EPB41L3: variants seen among roughly 807,000 people sequenced by gnomAD.
The protein encoded by EPB41L3 is band 4.1-like protein 3.
A neutral mutation model predicts 127.1 loss-of-function variants in EPB41L3; 57 were observed. The ratio of observed to expected loss-of-function variants is 0.45; its 90% confidence interval spans 0.36 to 0.56. EPB41L3 has a LOEUF of 0.56. Ranked by LOEUF, EPB41L3 falls within the 20% of genes least tolerant of loss-of-function variation. EPB41L3 has a pLI of 0.00. For missense variants in EPB41L3, 1,273 were observed against 1,372.2 expected (o/e 0.93, Z 1.14); for synonymous variants, 572 against 549.5 (o/e 1.04, Z -0.57).
chr18:5,433,548 G>C lies in EPB41L3; in HGVS notation c.833C>G (p.Thr278Arg), dbSNP rs376210046. The C allele has an allele frequency of 6.2e-7, 1 of 1,611,896 alleles. No individual in the cohort carries two copies. The highest frequency in any genetic ancestry group is 8.5e-7 in the Non-Finnish European group (1 of 1,179,300). The change falls in exon 8 of 23, where the codon ACG becomes AGG. Residue 278 changes from threonine (T) to arginine (R), a missense_variant. Thr to Arg is a moderately conservative substitution (Grantham distance 71). Coordinates refer to ENST00000341928, the MANE Select transcript of EPB41L3 (RefSeq NM_012307.5). ...IELHKSHRGM[T>R]PAEAEMHFLE... ...GAAATGCATCTCTGCTTCTGCTGGC[G>C]TCATTCCTCTGATGAGAAGAAAAAT...
intron 5 of EPB41L3, among the ~76,000 whole-genome samples, chr18:5,441,819 C>A (rs2080828898): frequency 6.6e-6 from 1 of 152,192 alleles, no homozygotes; most frequent in Non-Finnish European, 1.5e-5. Flanking sequence ...ATCTGCAAGA[C>A]TGTCAGTTTT....
intron 3 of EPB41L3, among the ~76,000 whole-genome samples, chr18:5,452,326 C>T (rs991241282): frequency 4.0e-5 from 6 of 151,550 alleles, no homozygotes; most frequent in Non-Finnish European, 8.8e-5. Flanking sequence ...GGCCAATATT[C>T]ATAGTTGCAT....
intron 1 of EPB41L3, among the ~76,000 whole-genome samples, chr18:5,515,200 C>T (rs2092687311): frequency 6.6e-6 from 1 of 152,196 alleles, no homozygotes; most frequent in South Asian, 2.1e-4. Flanking sequence ...TAAGGGGCTT[C>T]CCAGTCTATA....
chr18:5,399,235 G>C (rs1447620264), intron 16 of EPB41L3: 1 of 398,862 alleles, frequency 2.5e-6, no homozygotes, highest in African/African-American at 2.1e-5. Context: ...TCGAAGCTTT[G>C]CATTTTAATA....
intron 3 of EPB41L3, among the ~76,000 whole-genome samples, chr18:5,578,113 G>A (rs2094355006): frequency 6.6e-6 from 1 of 152,068 alleles, no homozygotes; most frequent in Non-Finnish European, 1.5e-5. Flanking sequence ...TGGGGGGGTG[G>A]CGGGGTGGGA....
intron 1 of EPB41L3, chr18:5,540,262 C>G: frequency 1.2e-6 from 1 of 803,440 alleles, no homozygotes; most frequent in South Asian, 5.7e-5. Context: ...CAAAAAACGT[C>G]TCCTTCCTTA....
rs796587423 is a variant in EPB41L3, at chr18:5,566,788, T to TATTCCATTCCATTCCATTCC, written c.-306+45551_-306+45552insGGAATGGAATGGAATGGAAT. 3.8e-4 allele frequency among the ~76,000 whole-genome samples: 43 copies of TATTCCATTCCATTCCATTCC among 112,498 alleles called. 1 individual carries two copies. The highest frequency in any genetic ancestry group is 6.5e-4 in the Non-Finnish European group (35 of 54,004). The allele number at this position is 112,498 out of a possible 152,430, so 73.8% of individuals were successfully genotyped here. The stretch of plus-strand genomic sequence containing the variant: ...TATTCTATTCTATTCTATTCTATTC[T>TATTCCATTCCATTCCATTCC]ATTCCATTCCATTCCATTCTAATTT... On this transcript the variant is annotated intron_variant, in intron 3 of 21. Coordinates refer to the EPB41L3 transcript ENST00000545076.
upstream of EPB41L3, among the ~76,000 whole-genome samples, chr18:5,546,583 C>T (rs979960780): frequency 2.0e-5 from 3 of 152,058 alleles, no homozygotes; most frequent in African/African-American, 4.8e-5. Flanking sequence ...TAATATTCCA[C>T]GAATTGAAAA....
chr18:5,438,094 A>C lies in EPB41L3; in HGVS notation c.546T>G (p.Phe182Leu). 6.2e-7 allele frequency: 1 copy of C among 1,613,792 alleles called. No individual in the cohort carries two copies. The highest frequency in any genetic ancestry group is 8.5e-7 in the Non-Finnish European group (1 of 1,179,922). Residue 182 changes from phenylalanine (F) to leucine (L), a missense_variant, in exon 6 of 23, where the codon TTT (phenylalanine) becomes TTG (leucine). Coordinates refer to ENST00000341928, the MANE Select transcript of EPB41L3 (RefSeq NM_012307.5). ...GTGGATAAAATTTCACATTAAATGA[A>C]AAGTGCCAAGCACCACCTGCAAGGA... is the stretch of plus-strand genomic sequence containing the variant. ...KKQVRSGAWH[F>L]SFNVKFYPPD... is the part of the protein sequence containing the mutation.
Position 5,576,153 on chromosome 18 carries a change from T to C in EPB41L3, c.-306+36187A>G, listed in dbSNP as rs558352100. Among the ~76,000 whole-genome samples, 4 of 152,348 alleles carry C rather than the reference T, an allele frequency of 2.6e-5. No individual in the cohort carries two copies. The South Asian group carries it at 8.3e-4, about 32-fold the overall frequency. ...GGAAAGTAATTTTTATATAGTTTTG[T>C]TAAAGTTTCTAGAATTATCGAAAAA... On this transcript the variant is annotated intron_variant, in intron 3 of 21. Coordinates refer to the EPB41L3 transcript ENST00000545076.
At chr18:5,461,678 T>C (rs1161978461) in intron 3 of EPB41L3, among the ~76,000 whole-genome samples, 2 of 152,218 alleles carry the variant, frequency 1.3e-5, no homozygotes, top group Non-Finnish European at 2.9e-5. Context: ...AGGTCAGTCT[T>C]GCAAGAGAAG....
intron 3 of EPB41L3, among the ~76,000 whole-genome samples, chr18:5,455,702 G>T (rs1599164889): frequency 2.7e-5 from 4 of 150,460 alleles, no homozygotes; most frequent in African/African-American, 9.8e-5. Context: ...ACTCAGAGAT[G>T]TGCACTGTGG....
Position 5,610,393 on chromosome 18 carries a change from G to A in EPB41L3, c.-306+1947C>T, listed in dbSNP as rs1382781702. 5.8e-6 allele frequency: 4 copies of A among 686,484 alleles called. No individual in the cohort carries two copies. In the East Asian group the frequency reaches 5.5e-4, roughly 94 times the overall value. 42.5% of individuals were successfully genotyped at this position (686,484 alleles called of 1,614,324 possible). A position where few individuals can be genotyped will look rare whatever the true frequency, so the allele number is the denominator to read the frequency against. ...AGGAGAAAGTTTCTGTAGAAAAACA[G>A]GGTAGATAATTCATGAGACATCCAA... On this transcript the variant is annotated intron_variant, in intron 3 of 21. Transcript: ENST00000545076.
rs560393331 is a variant in EPB41L3 at position 5,418,013 on chromosome 18, T to C, written c.1507-1635A>G. Among the ~76,000 whole-genome samples the C allele has an allele frequency of 9.2e-5, 14 of 152,314 alleles. 1 individual carries two copies. The highest frequency in any genetic ancestry group is 3.1e-4 in the African/African-American group (13 of 41,562). ...CTATTTTCAGTAATACACTTTCATT[T>C]TGGTTGAAAAGTAAGTACCCTCTGC... On this transcript the variant is annotated intron_variant, in intron 12 of 22. Coordinates refer to ENST00000341928, the MANE Select transcript of EPB41L3 (RefSeq NM_012307.5).
At chr18:5,605,121 A>C (rs1043418506) in intron 3 of EPB41L3, among the ~76,000 whole-genome samples, 1 of 152,078 alleles carries the variant, frequency 6.6e-6, no homozygotes, top group Non-Finnish European at 1.5e-5. Flanking sequence ...TACTCTAATT[A>C]GAAACAACTT....
At chr18:5,530,654 G>A (rs1375575008) in intron 1 of EPB41L3, among the ~76,000 whole-genome samples, 1 of 152,034 alleles carries the variant, frequency 6.6e-6, no homozygotes, top group African/African-American at 2.4e-5. Flanking sequence ...ACACCCTCCT[G>A]TCCAGCCGAC....
intron 3 of EPB41L3, among the ~76,000 whole-genome samples, chr18:5,465,821 T>C (rs2084858130): frequency 6.6e-6 from 1 of 152,214 alleles, no homozygotes; most frequent in Non-Finnish European, 1.5e-5. Flanking sequence ...AGAACTTTTC[T>C]ACCATATTAA....
intron 22 of EPB41L3, chr18:5,393,985 C>A (rs1173321912): frequency 1.3e-5 from 2 of 155,380 alleles, no homozygotes; most frequent in Non-Finnish European, 2.8e-5. Context: ...ATAGTCTGCT[C>A]ATGATGCTGG....
intron 1 of EPB41L3, among the ~76,000 whole-genome samples, chr18:5,500,731 G>A (rs557662498): frequency 8.0e-4 from 122 of 152,250 alleles, no homozygotes; most frequent in African/African-American, 2.9e-3. Flanking sequence ...ATACAAATAA[G>A]CCCTAAACAA....
Sources: gnomAD v4.1 joint callset for allele counts (sites outside exome capture counted in the v4.1 genomes callset) on GRCh38, gnomAD v4.1.1 for gene constraint, MANE v1.5 for transcripts, NCBI Gene and HGNC (gene_info 2026-07-23, HGNC 2026-07-21) for gene names.